Variants in CDC42BPA observed in about 807,000 individuals in gnomAD.
CDC42BPA encodes the protein serine/threonine-protein kinase MRCK alpha.
CDC42BPA carries 80 observed loss-of-function variants against 223.5 expected under a neutral mutation model. The ratio of observed to expected loss-of-function variants is 0.36; its 90% CI spans 0.30 to 0.43. CDC42BPA has a LOEUF of 0.43. Among genes scored for constraint, CDC42BPA ranks in the 20% least tolerant of loss-of-function variants. CDC42BPA has a pLI of 1.00. For synonymous variants in CDC42BPA, 694 were observed against 718.6 expected, an observed-to-expected ratio of 0.97 and a Z score of 0.55; for missense variants, 1,743 against 2,099.9, an observed-to-expected ratio of 0.83 and a Z score of 3.32.
chr1:227,182,546 T>C (rs539503552), intron 5 of CDC42BPA, among the ~76,000 whole-genome samples: 3 of 152,338 alleles, frequency 2.0e-5, no homozygotes, highest in South Asian at 4.1e-4. Context: ...TTCCACCAGC[T>C]TCCCCCAATG....
Position 227,061,114 on chromosome 1 carries a change from G to A in CDC42BPA, c.2904+8663C>T, listed in dbSNP as rs185220901. Among the ~76,000 whole-genome samples the A allele has an allele frequency of 1.5e-3, 234 of 152,160 alleles. 2 individuals carry two copies. Among genetic ancestry groups the A allele is most frequent in the African/African-American group, 5.3e-3 (222 of 41,514 alleles). The stretch of plus-strand genomic sequence containing the variant: ...ATAGTAAACCAGGATTAGAAGGCCC[G>A]GAGAGTTCTAAAGAAGTTTTTCCAT... On this transcript the variant is annotated intron_variant, in intron 21 of 36. Coordinates refer to ENST00000366766, the MANE Select transcript of CDC42BPA (RefSeq NM_001394014.1).
chr1:227,252,330 A>G (rs555431162), intron 2 of CDC42BPA, among the ~76,000 whole-genome samples: 1 of 152,308 alleles, frequency 6.6e-6, no homozygotes, highest in Non-Finnish European at 1.5e-5. Context: ...AAATGGATAA[A>G]CCTAGCAAAA....
intron 34 of CDC42BPA, among the ~76,000 whole-genome samples, chr1:227,012,700 G>A (rs1419397432): frequency 6.6e-6 from 1 of 152,022 alleles, no homozygotes; most frequent in Non-Finnish European, 1.5e-5. Context: ...GTTAACTTTA[G>A]ATAAATTTAA....
intron 15 of CDC42BPA, among the ~76,000 whole-genome samples, chr1:227,099,876 G>A (rs373735153): frequency 2.0e-5 from 3 of 151,932 alleles, no homozygotes; most frequent in Middle Eastern, 3.4e-3. Flanking sequence ...TTTGTTCTTA[G>A]CATTTATCAT....
rs547178040 is a variant in CDC42BPA, at chr1:227,294,854, C to T, written c.178+22151G>A. ...CAGCCTGGGCGACAGAGCGAGACTC[C>T]GTCTCAAAAAAAAAAAAAAAAAAAA... On this transcript the variant is annotated intron_variant, in intron 1 of 36. Transcript: ENST00000366766. Among the ~76,000 whole-genome samples, 105 of 82,938 alleles carry T rather than the reference C, an allele frequency of 1.3e-3. 6 individuals are homozygous for T. The highest frequency in any genetic ancestry group is 2.0e-3 in the Admixed American group (13 of 6,440). The allele number at this position is 82,938 out of a possible 152,430, so 54.4% of individuals were successfully genotyped here. A position where few individuals can be genotyped will look rare whatever the true frequency, so the allele number is the denominator to read the frequency against.
chr1:227,305,174 A>C (rs1236660486), intron 1 of CDC42BPA, among the ~76,000 whole-genome samples: 1 of 152,150 alleles, frequency 6.6e-6, no homozygotes, highest in Non-Finnish European at 1.5e-5. Flanking sequence ...CTTACTCTCA[A>C]ATGGTTCCAG....
At chr1:227,022,997 C>G (rs1489478583) in intron 32 of CDC42BPA, among the ~76,000 whole-genome samples, 1 of 152,232 alleles carries the variant, frequency 6.6e-6, no homozygotes, top group African/African-American at 2.4e-5. Context: ...GCTACACTTT[C>G]TCTACTTACT....
chr1:227,204,361 A>C (rs1672304268), intron 3 of CDC42BPA, among the ~76,000 whole-genome samples: 3 of 152,178 alleles, frequency 2.0e-5, no homozygotes. Context: ...GCAACTGCCA[A>C]GTGTGTGAGA....
intron 1 of CDC42BPA, among the ~76,000 whole-genome samples, chr1:227,300,648 T>C (rs953617529): frequency 9.2e-5 from 14 of 152,040 alleles, no homozygotes; most frequent in African/African-American, 2.9e-4. Context: ...GACAGAGTAG[T>C]ATAATGGAGG....
chr1:227,048,274 C>G (rs1239866408), intron 22 of CDC42BPA, among the ~76,000 whole-genome samples: 1 of 151,784 alleles, frequency 6.6e-6, no homozygotes, highest in Non-Finnish European at 1.5e-5. Flanking sequence ...TCATTTGGAT[C>G]AAATGATTCA....
intron 16 of CDC42BPA, 22 bp from the exon 17 acceptor site, chr1:227,081,039 T>C: frequency 6.2e-7 from 1 of 1,612,108 alleles, no homozygotes; most frequent in Non-Finnish European, 8.5e-7. Flanking sequence ...TTTTAAGACA[T>C]GCATGACTTT....
chr1:227,157,135 T>C (rs187881596), intron 6 of CDC42BPA, among the ~76,000 whole-genome samples: 39 of 152,312 alleles, frequency 2.6e-4, no homozygotes, highest in African/African-American at 8.9e-4. Flanking sequence ...ATTTTTGCTT[T>C]TAACAGTTAG....
At chr1:227,074,423 G>A (rs954441645) in intron 17 of CDC42BPA, 59 bp from the exon 18 acceptor site, 16 of 1,211,650 alleles carry the variant, frequency 1.3e-5, no homozygotes, top group Admixed American at 2.2e-5. Context: ...TGCAATATAT[G>A]TTATTTTAAA....
intron 10 of CDC42BPA, among the ~76,000 whole-genome samples, chr1:227,134,921 G>C (rs73102913): frequency 0.032 from 4,813 of 152,264 alleles, 228 homozygotes; most frequent in African/African-American, 0.11. Flanking sequence ...TCCTGCCGTA[G>C]AAAGTAAAAA....
intron 10 of CDC42BPA, among the ~76,000 whole-genome samples, chr1:227,134,345 TAC>T (rs1658055145): frequency 6.6e-6 from 1 of 152,342 alleles, no homozygotes; most frequent in Non-Finnish European, 1.5e-5. Flanking sequence ...CTGAAAAAAA[TAC>T]ACAGTCATTT....
At chr1:227,268,289 A>G (rs147275828) in intron 1 of CDC42BPA, among the ~76,000 whole-genome samples, 86 of 152,302 alleles carry the variant, frequency 5.6e-4, no homozygotes, top group African/African-American at 2.0e-3. Context: ...TAGCTGGCAC[A>G]CAGACGGTGC....
intron 2 of CDC42BPA, among the ~76,000 whole-genome samples, chr1:227,250,205 G>A (rs758568712): frequency 2.6e-5 from 4 of 151,926 alleles, no homozygotes; most frequent in Non-Finnish European, 5.9e-5. Context: ...ATAATAATAA[G>A]GCCAGGCATG....
At chr1:227,194,507 G>A (rs914102555) in intron 4 of CDC42BPA, among the ~76,000 whole-genome samples, 4 of 152,144 alleles carry the variant, frequency 2.6e-5, no homozygotes, top group Non-Finnish European at 5.9e-5. Context: ...AAAAATATCA[G>A]AATGGGCTTT....
chr1:227,250,541 A>G (rs974129153), intron 2 of CDC42BPA, among the ~76,000 whole-genome samples: 3 of 152,238 alleles, frequency 2.0e-5, no homozygotes, highest in Admixed American at 2.0e-4. Context: ...TGGCATAACA[A>G]TAAAATGCTA....
Sources: gnomAD v4.1 joint callset for allele counts (sites outside exome capture counted in the v4.1 genomes callset) on GRCh38, gnomAD v4.1.1 for gene constraint, MANE v1.5 for transcripts, NCBI Gene and HGNC (gene_info 2026-07-23, HGNC 2026-07-21) for gene names.